UBE2E1: variants seen among roughly 807,000 people sequenced by gnomAD.
UBE2E1 encodes ubiquitin-conjugating enzyme E2 E1.
In UBE2E1, 6 loss-of-function variants were observed where a neutral mutation model predicts 21.4. The observed-to-expected ratio is 0.28, with a 90% CI of 0.15 to 0.55. The LOEUF is 0.55. Among genes scored for constraint, UBE2E1 ranks in the 20% least tolerant of loss-of-function variants. UBE2E1 has a pLI of 0.93. For missense variants in UBE2E1, 142 were observed against 236.5 expected, an observed-to-expected ratio of 0.60 and a Z score of 2.62; for synonymous variants, 87 against 82.7, an observed-to-expected ratio of 1.05 and a Z score of -0.28.
chr3:23,829,884 G>C (rs888915106), intron 3 of UBE2E1, among the ~76,000 whole-genome samples: 1 of 152,110 alleles, frequency 6.6e-6, no homozygotes, highest in Non-Finnish European at 1.5e-5. Context: ...TGTTGGCCTG[G>C]GTTCTTGAGG....
rs187958364 is a variant in UBE2E1, at chr3:23,836,303, A to T, written c.203+24793A>T. ...AAATAACTGATTTAGAATGCTATATAAAAAAAGAGTTTCTCTTTTCACTTA... is the reference window on the plus strand; with the variant it reads ...AAATAACTGATTTAGAATGCTATATTAAAAAAGAGTTTCTCTTTTCACTTA... On this transcript the variant is annotated intron_variant, in intron 3 of 5. Coordinates refer to ENST00000306627, the MANE Select transcript of UBE2E1 (RefSeq NM_003341.5). The surrounding 1 kb of genome is among the most constrained non-coding windows in gnomAD (Gnocchi z 4.1). 2.1e-3 allele frequency among the ~76,000 whole-genome samples: 326 copies of T among 152,310 alleles called. 1 individual carries two copies. Among genetic ancestry groups the T allele is most frequent in the African/African-American group, 7.3e-3 (303 of 41,568 alleles).
At chr3:23,812,503 CTAAT>C (rs936378977) in intron 3 of UBE2E1, among the ~76,000 whole-genome samples, 6 of 152,172 alleles carry the variant, frequency 3.9e-5, no homozygotes, top group Non-Finnish European at 7.3e-5. Context: ...ACTTTGGAAA[CTAAT>C]TAGTGGATTA....
chr3:23,855,886 CT>C (rs1700424764), intron 3 of UBE2E1, among the ~76,000 whole-genome samples: 1 of 152,060 alleles, frequency 6.6e-6, no homozygotes, highest in South Asian at 2.1e-4. Context: ...CTTAAAGGCA[CT>C]TACATAGCTT....
intron 3 of UBE2E1, among the ~76,000 whole-genome samples, chr3:23,862,107 T>C (rs550783529): frequency 6.6e-6 from 1 of 152,300 alleles, no homozygotes; most frequent in African/African-American, 2.4e-5. Flanking sequence ...CCCCTAGAGG[T>C]TTGAGCAGCG....
intron 3 of UBE2E1, among the ~76,000 whole-genome samples, chr3:23,838,653 C>T (rs182897917): frequency 2.6e-4 from 40 of 152,106 alleles, no homozygotes; most frequent in Non-Finnish European, 4.9e-4. Context: ...TGCACCAGCA[C>T]TCCTGGCTAA....
At chr3:23,812,189 G>A (rs998930771) in intron 3 of UBE2E1, among the ~76,000 whole-genome samples, 3 of 151,710 alleles carry the variant, frequency 2.0e-5, no homozygotes, top group Non-Finnish European at 2.9e-5. Flanking sequence ...GAGTCAAGGT[G>A]GAAGACTTGA....
chr3:23,859,110 T>G (rs1700499930), intron 3 of UBE2E1, among the ~76,000 whole-genome samples: 1 of 152,202 alleles, frequency 6.6e-6, no homozygotes, highest in Admixed American at 6.5e-5. Context: ...CTAAACTTAC[T>G]ACCAGTTACC....
intron 2 of UBE2E1, among the ~76,000 whole-genome samples, chr3:23,809,872 G>A (rs970497649): frequency 1.3e-5 from 2 of 152,192 alleles, no homozygotes; most frequent in African/African-American, 4.8e-5. Flanking sequence ...AACAGCGGGA[G>A]TATGAATGTC....
At chr3:23,851,825 T>C (rs67236598) in intron 3 of UBE2E1, among the ~76,000 whole-genome samples, 27,138 of 151,898 alleles carry the variant, frequency 0.18, 3,351 homozygotes, top group African/African-American at 0.35. Flanking sequence ...TTCAGATCTG[T>C]ACAGTTTGGA....
At position 23,842,236 on chromosome 3, in the gene UBE2E1, TGTGTGTGTGTGTGG is replaced by T. The variant is rs1375722050; in HGVS notation, c.203+30727_203+30740del. On this transcript the variant is annotated intron_variant, in intron 3 of 5. Coordinates refer to ENST00000306627, the MANE Select transcript of UBE2E1 (RefSeq NM_003341.5). The surrounding 1 kb of genome is among the most constrained non-coding windows in gnomAD (Gnocchi z 4.6). ...GTGTGTGTGTGTGTGTGTGTGTGTGTGTGTGTGTGTGTGGTGTTGTTGTTGTTGGCGACAGGGTC... is the reference window on the plus strand; with the variant it reads ...GTGTGTGTGTGTGTGTGTGTGTGTGTTGTTGTTGTTGTTGGCGACAGGGTC... Among the ~76,000 whole-genome samples the T allele has an allele frequency of 1.2e-4, 9 of 73,988 alleles. No homozygotes were observed. The highest frequency in any genetic ancestry group is 1.7e-4 in the Non-Finnish European group (6 of 34,412). 48.5% of individuals were successfully genotyped at this position (73,988 alleles called of 152,430 possible).
Position 23,870,632 on chromosome 3 carries a change from A to C in UBE2E1, c.204-16935A>C, listed in dbSNP as rs1700762907. 6.6e-6 allele frequency among the ~76,000 whole-genome samples: 1 copy of C among 152,154 alleles called. No homozygotes were observed. Among genetic ancestry groups the C allele is most frequent in the Admixed American group, 6.5e-5 (1 of 15,272 alleles). ...GGCTTCTCTTATTTCCAAAACTATA[A>C]AACTGTTCACTTATATTTTCTTCAA... On this transcript the variant is annotated intron_variant, in intron 3 of 5. Coordinates refer to ENST00000306627, the MANE Select transcript of UBE2E1 (RefSeq NM_003341.5). This position sits in a 1 kb window ranked among gnomAD's most constrained non-coding sequence, Gnocchi z 4.2.
chr3:23,860,754 A>C (rs1229078390), intron 3 of UBE2E1, among the ~76,000 whole-genome samples: 1 of 152,202 alleles, frequency 6.6e-6, no homozygotes, highest in Admixed American at 6.5e-5. Context: ...ATGAAGCCTT[A>C]TTTTTTAACT....
intron 3 of UBE2E1, among the ~76,000 whole-genome samples, chr3:23,858,019 A>T (rs1057515038): frequency 6.6e-6 from 1 of 151,964 alleles, no homozygotes; most frequent in Non-Finnish European, 1.5e-5. Context: ...ATGGGGTTTC[A>T]CCATATTGGC....
chr3:23,882,673 C>G (rs1701077839), intron 3 of UBE2E1, among the ~76,000 whole-genome samples: 1 of 152,014 alleles, frequency 6.6e-6, no homozygotes, highest in Non-Finnish European at 1.5e-5. Context: ...CGTCTCAAGC[C>G]CTGCCCCACG....
At chr3:23,846,605 G>A (rs1437445533) in intron 3 of UBE2E1, among the ~76,000 whole-genome samples, 2 of 146,772 alleles carry the variant, frequency 1.4e-5, no homozygotes, top group East Asian at 2.0e-4. Flanking sequence ...CTGAGGCCCG[G>A]CAATCACTTG....
chr3:23,860,975 G>C (rs887187984), intron 3 of UBE2E1, among the ~76,000 whole-genome samples: 5 of 152,190 alleles, frequency 3.3e-5, no homozygotes. Flanking sequence ...TATTTATTTA[G>C]TAAGTGATGA....
intron 5 of UBE2E1, among the ~76,000 whole-genome samples, chr3:23,890,248 G>T (rs1325691067): frequency 6.6e-6 from 1 of 152,182 alleles, no homozygotes; most frequent in Non-Finnish European, 1.5e-5. Flanking sequence ...CTCCAATTGA[G>T]TGTTGTTTGT....
intron 2 of UBE2E1, 67 bp from the exon 3 acceptor site, chr3:23,811,393 C>T (rs1001928738): frequency 1.6e-5 from 24 of 1,487,216 alleles, no homozygotes; most frequent in Non-Finnish European, 2.2e-5. Flanking sequence ...GACCTGCACG[C>T]TACAGGTGGG....
chr3:23,834,047 T>A (rs1255224316), intron 3 of UBE2E1, among the ~76,000 whole-genome samples: 1 of 152,114 alleles, frequency 6.6e-6, no homozygotes. Flanking sequence ...CAAAAAAGCC[T>A]TATGGTAAAA....
Sources: allele counts gnomAD v4.1 joint callset (sites outside exome capture counted in the v4.1 genomes callset), GRCh38; gene constraint gnomAD v4.1.1; non-coding constraint Gnocchi (gnomAD v3.1); transcripts MANE v1.5; gene names NCBI Gene and HGNC (gene_info 2026-07-23, HGNC 2026-07-21).